ST6GALNAC2: variants seen among roughly 807,000 people sequenced by gnomAD.
ST6GALNAC2 encodes alpha-N-acetylgalactosaminide alpha-2,6-sialyltransferase 2.
In ST6GALNAC2, 42 loss-of-function variants were observed where a neutral mutation model predicts 38.7. That is an observed-to-expected ratio of 1.09 (90% CI 0.85 to 1.40). ST6GALNAC2 has a LOEUF of 1.40. Ranked by LOEUF, ST6GALNAC2 falls within the 40% of genes most tolerant of loss-of-function variation. The pLI, the probability that ST6GALNAC2 is intolerant of heterozygous loss-of-function variation, is 0.00. For missense variants in ST6GALNAC2, 506 were observed against 481.7 expected (o/e 1.05, Z -0.47); for synonymous variants, 233 against 209.0 (o/e 1.11, Z -0.99).
chr17:76,570,454 C>T, intron 6 of ST6GALNAC2, 111 bp downstream of exon 6: 2 of 685,028 alleles, frequency 2.9e-6, no homozygotes, highest in Non-Finnish European at 5.1e-6. Context: ...TCTTACTGCC[C>T]TTCACCCACC....
intron 1 of ST6GALNAC2, among the ~76,000 whole-genome samples, chr17:76,583,250 C>T (rs896806001): frequency 6.6e-6 from 1 of 151,426 alleles, no homozygotes; most frequent in Non-Finnish European, 1.5e-5. Context: ...GTGGCGGGCA[C>T]CTGTAGACCC....
intron 6 of ST6GALNAC2, chr17:76,569,514 C>T: frequency 6.4e-6 from 2 of 314,382 alleles, no homozygotes; most frequent in Non-Finnish European, 5.2e-6. Flanking sequence ...GGGAGGGGGG[C>T]CGGGAGGAAG....
intron 8 of ST6GALNAC2, 124 bp downstream of exon 8, chr17:76,567,329 C>A: frequency 1.5e-6 from 1 of 689,568 alleles, no homozygotes; most frequent in South Asian, 1.7e-5. Context: ...ACTCTTGGAA[C>A]TGGGGATTCC....
chr17:76,567,640 T>A, intron 7 of ST6GALNAC2, 88 bp from the exon 8 acceptor site: 1 of 874,812 alleles, frequency 1.1e-6, no homozygotes, highest in Non-Finnish European at 1.9e-6. Flanking sequence ...TGGGAAAACT[T>A]CAAAAACTGA....
intron 3 of ST6GALNAC2, 130 bp downstream of exon 3, chr17:76,574,235 G>C: frequency 9.1e-7 from 1 of 1,102,126 alleles, no homozygotes; most frequent in Non-Finnish European, 1.3e-6. Flanking sequence ...TGGGGCTTCT[G>C]GGAGGAGAGA....
intron 8 of ST6GALNAC2, 59 bp downstream of exon 8, chr17:76,567,394 T>A: frequency 8.0e-7 from 1 of 1,242,608 alleles, no homozygotes; most frequent in Non-Finnish European, 1.2e-6. Context: ...GGGGATCCTG[T>A]TGGGTTCTGT....
chr17:76,580,467 G>A (rs1003738463), intron 1 of ST6GALNAC2, among the ~76,000 whole-genome samples: 5 of 151,778 alleles, frequency 3.3e-5, no homozygotes, highest in South Asian at 2.1e-4. Context: ...AGGCCTAGGC[G>A]GGTGGATCAC....
chr17:76,569,395 G>A, intron 6 of ST6GALNAC2: 2 of 396,056 alleles, frequency 5.0e-6, no homozygotes. Context: ...TTTGGAGGTG[G>A]GTGGGGTGGG....
rs148680728 is a variant in ST6GALNAC2, at chr17:76,581,356, A to G, written c.126-2540T>C. Among the ~76,000 whole-genome samples the G allele has an allele frequency of 2.0e-5, 3 of 152,068 alleles. No homozygotes were observed. In the East Asian group the frequency reaches 5.8e-4, roughly 29 times the overall value. ...CTATGAGAACCCCCAGGGAGGCTTG[A>G]AAAACCCCATTGCTCAGCCCCGAAA... is the stretch of plus-strand genomic sequence containing the variant. On this transcript the variant is annotated intron_variant, in intron 1 of 8. Transcript: ENST00000225276.
chr17:76,574,560 G>A, intron 2 of ST6GALNAC2, 21 bp from the exon 3 acceptor site: 1 of 1,569,330 alleles, frequency 6.4e-7, no homozygotes, highest in Non-Finnish European at 8.7e-7. Flanking sequence ...GAAGGTGAGG[G>A]CTGAGCCCCG....
intron 1 of ST6GALNAC2, among the ~76,000 whole-genome samples, chr17:76,579,907 G>A (rs1426964131): frequency 1.3e-5 from 2 of 152,212 alleles, no homozygotes; most frequent in Non-Finnish European, 2.9e-5. Flanking sequence ...CAACTCAGGT[G>A]TTCTGTGATA....
In ST6GALNAC2 at chr17:76,581,544, G is replaced by C. The variant is rs1345254864; in HGVS notation, c.126-2728C>G. ...AGAGTTGAGACGGGTGGGGGACAGGGGTAGAGCTGTAAAGGAGATGATGGG... is the reference window on the plus strand; with the variant it reads ...AGAGTTGAGACGGGTGGGGGACAGGCGTAGAGCTGTAAAGGAGATGATGGG... On this transcript the variant is annotated intron_variant, in intron 1 of 8. Transcript: ENST00000225276. Among the ~76,000 whole-genome samples, 7 of 152,268 alleles carry C rather than the reference G, an allele frequency of 4.6e-5. 1 individual carries two copies. The highest frequency in any genetic ancestry group is 4.6e-4 in the Admixed American group (7 of 15,298).
chr17:76,580,389 G>A (rs1051612645), intron 1 of ST6GALNAC2, among the ~76,000 whole-genome samples: 3 of 152,038 alleles, frequency 2.0e-5, no homozygotes, highest in African/African-American at 4.8e-5. Flanking sequence ...CTGCATTCCA[G>A]CCTGGGTGAA....
In ST6GALNAC2 at chr17:76,585,843, G is replaced by A. The variant is rs964438712; in HGVS notation, c.-35C>T. 1 of 1,514,680 alleles carries A rather than the reference G, an allele frequency of 6.6e-7. No individual in the cohort carries two copies. The highest frequency in any genetic ancestry group is 2.1e-5 in the Admixed American group (1 of 48,438). 93.8% of individuals were successfully genotyped at this position (1,514,680 alleles called of 1,614,324 possible). A position where few individuals can be genotyped will look rare whatever the true frequency, so the allele number is the denominator to read the frequency against. On this transcript the variant is annotated 5_prime_UTR_variant, in exon 1 of 9. In the 5' UTR this introduces an upstream ATG that the reference lacks. Transcript: ENST00000225276. The stretch of plus-strand genomic sequence containing the variant: ...GCCCGCGAGCGCCCCGTCCGCTGAC[G>A]TCCCAGGCAGAAGGGAGAGAACCGG...
chr17:76,572,588 A>G (rs371536607), intron 5 of ST6GALNAC2, 49 bp downstream of exon 5: 30 of 1,609,580 alleles, frequency 1.9e-5, no homozygotes, highest in Non-Finnish European at 3.4e-6. Context: ...GACTCCAGGA[A>G]CAATGGTGCC....
chr17:76,578,102 G>T (rs1048236663), intron 2 of ST6GALNAC2, among the ~76,000 whole-genome samples: 59 of 152,152 alleles, frequency 3.9e-4, no homozygotes, highest in African/African-American at 1.3e-3. Context: ...GAGCCAGGGT[G>T]GGGTGGAGTG....
chr17:76,580,677 A>C (rs1369279521), intron 1 of ST6GALNAC2, among the ~76,000 whole-genome samples: 1 of 151,830 alleles, frequency 6.6e-6, no homozygotes, highest in Non-Finnish European at 1.5e-5. Context: ...GGGAGATCGC[A>C]CCACTGCACT....
chr17:76,571,348 CTT>C (rs2075351819), intron 5 of ST6GALNAC2: 1 of 152,262 alleles, frequency 6.6e-6, no homozygotes, highest in Non-Finnish European at 1.5e-5. Context: ...AATCCCAACA[CTT>C]TGGGTGGCCG....
At chr17:76,572,448 C>T (rs565568518) in intron 5 of ST6GALNAC2, among the ~76,000 whole-genome samples, 189 bp downstream of exon 5, 1 of 152,312 alleles carries the variant, frequency 6.6e-6, no homozygotes, top group South Asian at 2.1e-4. Context: ...CCCGTGACGC[C>T]TGAATCAGCA....
Sources: allele counts gnomAD v4.1 joint callset (sites outside exome capture counted in the v4.1 genomes callset), GRCh38; gene constraint gnomAD v4.1.1; transcripts MANE v1.5; gene names NCBI Gene and HGNC (gene_info 2026-07-23, HGNC 2026-07-21).